DLC1: variants seen among roughly 807,000 people sequenced by gnomAD.
The protein encoded by DLC1 is rho GTPase-activating protein 7.
In DLC1, 54 loss-of-function variants were observed where a neutral mutation model predicts 140.3. The observed-to-expected ratio is 0.38, with a 90% confidence interval of 0.31 to 0.48. DLC1 has a LOEUF of 0.48. DLC1 is among the 20% of genes least tolerant of loss of function. DLC1 has a pLI of 0.96. For missense variants in DLC1, 2,536 were observed against 1,907.0 expected, an observed-to-expected ratio of 1.33 and a Z score of -6.14; for synonymous variants, 986 against 728.1, an observed-to-expected ratio of 1.35 and a Z score of -5.70.
intron 4 of DLC1, among the ~76,000 whole-genome samples, chr8:13,360,318 C>T (rs1413501861): frequency 5.3e-5 from 8 of 152,210 alleles, no homozygotes; most frequent in Admixed American, 5.2e-4. Flanking sequence ...ATATCTACCA[C>T]TGCCAGGGCC....
At chr8:13,371,720 G>C (rs954578120) in intron 4 of DLC1, among the ~76,000 whole-genome samples, 3 of 152,080 alleles carry the variant, frequency 2.0e-5, no homozygotes, top group African/African-American at 4.8e-5. Context: ...AGAAAGAATG[G>C]TGCTGTCCCA....
intron 2 of DLC1, among the ~76,000 whole-genome samples, chr8:13,461,741 G>C (rs1799669823): frequency 6.6e-6 from 1 of 152,144 alleles, no homozygotes; most frequent in Non-Finnish European, 1.5e-5. Context: ...CAGATTCAAT[G>C]ACTTACCCAC....
intron 4 of DLC1, among the ~76,000 whole-genome samples, chr8:13,310,343 C>G (rs1327213652): frequency 6.6e-6 from 1 of 151,440 alleles, no homozygotes; most frequent in Non-Finnish European, 1.5e-5. Context: ...AGAGAAAAAT[C>G]AGTGACAGAG....
At chr8:13,410,744 T>G (rs942081934) in intron 2 of DLC1, among the ~76,000 whole-genome samples, 6 of 152,164 alleles carry the variant, frequency 3.9e-5, no homozygotes, top group Admixed American at 3.9e-4. Flanking sequence ...TCCAACATAC[T>G]GTACAACTAA....
chr8:13,197,822 A>G (rs1045718931), intron 5 of DLC1, among the ~76,000 whole-genome samples: 5 of 152,160 alleles, frequency 3.3e-5, no homozygotes, highest in Admixed American at 2.0e-4. Flanking sequence ...GTCTGATGAG[A>G]CTTCAGGAAC....
intron 1 of DLC1, among the ~76,000 whole-genome samples, chr8:13,524,730 C>G (rs1802868253): frequency 6.6e-6 from 1 of 151,190 alleles, no homozygotes; most frequent in African/African-American, 2.4e-5. Context: ...CATCTCTGAG[C>G]TCTTTTGCCA....
chr8:13,087,991 G>C (rs1463552963), intron 16 of DLC1, among the ~76,000 whole-genome samples: 1 of 152,198 alleles, frequency 6.6e-6, no homozygotes, highest in Non-Finnish European at 1.5e-5. Context: ...AAAGAGTTCA[G>C]ACCATTCTCA....
chr8:13,387,853 A>ACGTT (rs1836591032), intron 4 of DLC1, among the ~76,000 whole-genome samples: 1 of 152,054 alleles, frequency 6.6e-6, no homozygotes, highest in Non-Finnish European at 1.5e-5. Context: ...TGTAGCAAAG[A>ACGTT]CGTTCGCATG....
chr8:13,356,826 C>G (rs887595249), intron 4 of DLC1, among the ~76,000 whole-genome samples: 4 of 151,454 alleles, frequency 2.6e-5, no homozygotes, highest in Non-Finnish European at 5.9e-5. Context: ...CTGGACCACA[C>G]TTCACTCTTT....
At chr8:13,576,997 A>G (rs1804863553) in intron 1 of DLC1, among the ~76,000 whole-genome samples, 1 of 152,202 alleles carries the variant, frequency 6.6e-6, no homozygotes, top group Non-Finnish European at 1.5e-5. Context: ...TGAAGTGCTT[A>G]CTGCTTGCTG....
chr8:13,268,574 G>T (rs560393533), intron 5 of DLC1, among the ~76,000 whole-genome samples: 1 of 152,178 alleles, frequency 6.6e-6, no homozygotes, highest in African/African-American at 2.4e-5. Flanking sequence ...TTGTAATGAC[G>T]GAGTCTTGCT....
intron 1 of DLC1, among the ~76,000 whole-genome samples, chr8:13,562,481 C>T (rs1476958910): frequency 6.6e-6 from 1 of 152,132 alleles, no homozygotes; most frequent in African/African-American, 2.4e-5. Flanking sequence ...TTCATTCTTA[C>T]TGCTAATAAG....
chr8:13,088,430 G>T, intron 16 of DLC1, 57 bp downstream of exon 16: 1 of 1,566,022 alleles, frequency 6.4e-7, no homozygotes, highest in Non-Finnish European at 8.8e-7. Flanking sequence ...TGACATATAG[G>T]CTTGGTTCAT....
intron 1 of DLC1, among the ~76,000 whole-genome samples, chr8:13,539,559 C>G (rs933243558): frequency 6.6e-6 from 1 of 152,096 alleles, no homozygotes; most frequent in African/African-American, 2.4e-5. Flanking sequence ...CCTTTAAGAA[C>G]AGGAGGCGCA....
At chr8:13,181,175 C>G (rs1200380586) in intron 5 of DLC1, among the ~76,000 whole-genome samples, 1 of 152,048 alleles carries the variant, frequency 6.6e-6, no homozygotes, top group Non-Finnish European at 1.5e-5. Flanking sequence ...ACAAAAGGGA[C>G]CTGAGATTTG....
chr8:13,246,080 G>A (rs764126103), intron 5 of DLC1, among the ~76,000 whole-genome samples: 3 of 152,138 alleles, frequency 2.0e-5, no homozygotes, highest in Non-Finnish European at 4.4e-5. Flanking sequence ...CCAGGGTGGT[G>A]GTCCTGAGAC....
chr8:13,493,844 A>C (rs1476452320), intron 2 of DLC1, among the ~76,000 whole-genome samples: 1 of 152,062 alleles, frequency 6.6e-6, no homozygotes, highest in Non-Finnish European at 1.5e-5. Flanking sequence ...AGTCTCCCCC[A>C]TCAGCATTCA....
rs565482774 is a variant in DLC1 at position 13,473,508 on chromosome 8, C to T, written c.1023+25541G>A. Among the ~76,000 whole-genome samples, 3 of 152,184 alleles carry T rather than the reference C, an allele frequency of 2.0e-5. No individual in the cohort carries two copies. The South Asian group carries it at 6.2e-4, about 32-fold the overall frequency. Reference sequence around the variant, plus strand: ...GTAGAGCGGGGTGCTGCTGTATATACCCAAAAATGTGGAAACATATTTGGA... The same window carrying T: ...GTAGAGCGGGGTGCTGCTGTATATATCCAAAAATGTGGAAACATATTTGGA... On this transcript the variant is annotated intron_variant, in intron 2 of 17. Transcript: ENST00000276297.
chr8:13,590,607 C>T (rs1805485703), intron 1 of DLC1, among the ~76,000 whole-genome samples: 1 of 151,938 alleles, frequency 6.6e-6, no homozygotes, highest in Non-Finnish European at 1.5e-5. Context: ...TTCTAGCCTT[C>T]CAAAATACTC....
Sources: allele counts gnomAD v4.1 joint callset (sites outside exome capture counted in the v4.1 genomes callset), GRCh38; gene constraint gnomAD v4.1.1; transcripts MANE v1.5; gene names NCBI Gene and HGNC (gene_info 2026-07-23, HGNC 2026-07-21).